Variants in MAF1 observed in about 807,000 individuals in gnomAD.
MAF1 encodes the protein MAF1 negative regulator of RNA polymerase III.
Under a neutral mutation model 31.9 loss-of-function variants are expected in MAF1, and 7 were observed. The ratio of observed to expected loss-of-function variants is 0.22; its 90% confidence interval spans 0.12 to 0.41. MAF1 has a LOEUF of 0.41. Ranked by LOEUF, MAF1 falls within the 10% of genes least tolerant of loss-of-function variation. The pLI is 1.00. For missense variants in MAF1, 221 were observed against 323.1 expected (o/e 0.68, Z 2.42); for synonymous variants, 157 against 120.0 (o/e 1.31, Z -2.02).
chr8:144,106,284 G>A, intron 4 of MAF1, 43 bp downstream of exon 4: 2 of 1,612,956 alleles, frequency 1.2e-6, no homozygotes, highest in Non-Finnish European at 1.7e-6. Flanking sequence ...CCACCCCACT[G>A]TCCTTCCCCA....
Position 144,107,103 on chromosome 8 carries a change from T to C in MAF1, c.765T>C (p.Cys255=), listed in dbSNP as rs1286481629. 29 of 1,570,758 alleles carry C rather than the reference T, an allele frequency of 1.8e-5. No individual in the cohort carries two copies. The highest frequency in any genetic ancestry group is 2.3e-5 in the Non-Finnish European group (27 of 1,158,080). ...TMEEDRVPVI[C]I ...CTCCGCCCAGGGTCCCAGTGATCTG[T>C]ATTTGATGAGGAGGAGCCGAGGCCC... The change falls in exon 8 of 8, where the codon TGT becomes TGC. Residue 255 remains cysteine, a synonymous_variant. Coordinates refer to ENST00000322428, the MANE Select transcript of MAF1 (RefSeq NM_032272.5).
In MAF1 at chr8:144,104,851, C is replaced by G. The variant is rs1270657943; in HGVS notation, c.-52C>G. 6.6e-6 allele frequency: 1 copy of G among 152,322 alleles called. No individual in the cohort carries two copies. The highest frequency in any genetic ancestry group is 1.5e-5 in the Non-Finnish European group (1 of 68,118). 9.4% of individuals were successfully genotyped at this position (152,322 alleles called of 1,614,324 possible). ...CCCGGCGCGGCCTGATCTAACCCAG[C>G]CAGGCAGGTGGGTGTCCGCCCTGCG... On this transcript the variant is annotated 5_prime_UTR_variant, in exon 1 of 8. Transcript: ENST00000322428.
In MAF1 at chr8:144,105,447, C is replaced by T. The variant is rs1564317416; in HGVS notation, c.-44-193C>T. On this transcript the variant is annotated intron_variant, in intron 1 of 7. Transcript: ENST00000322428. ...GGGTATGGCTGACCTGGAGCCTGGA[C>T]TTACCACCCTCAGGTAAAACAGGAT... is the stretch of plus-strand genomic sequence containing the variant. The T allele has an allele frequency of 1.4e-5, 8 of 571,052 alleles. No homozygotes were observed. In the Admixed American group the frequency reaches 1.5e-4, roughly 11 times the overall value. 35.4% of individuals were successfully genotyped at this position (571,052 alleles called of 1,614,324 possible).
Position 144,106,627 on chromosome 8 carries a change from C to T in MAF1, c.573C>T (p.Tyr191=). Residue 191 remains tyrosine (Y), a synonymous_variant, in exon 6 of 8, where the codon TAC becomes TAT. Coordinates refer to ENST00000322428, the MANE Select transcript of MAF1 (RefSeq NM_032272.5). ...GSLWSFNYFF[Y]NKRLKRIVFF... Reference sequence around the variant, plus strand: ...TCTGGTCCTTCAACTACTTCTTCTACAACAAGCGGCTCAAGCGAATCGTCT... The same window carrying T: ...TCTGGTCCTTCAACTACTTCTTCTATAACAAGCGGCTCAAGCGAATCGTCT... 1 of 1,613,882 alleles carries T rather than the reference C, an allele frequency of 6.2e-7. No homozygotes were observed. Among genetic ancestry groups the T allele is most frequent in the Non-Finnish European group, 8.5e-7 (1 of 1,180,004 alleles).
In MAF1 at chr8:144,107,435, C is replaced by T. The variant is rs1256295576; in HGVS notation, c.*326C>T. Reference sequence around the variant, plus strand: ...TTTGTATTTCTACTGGGCCTGCACACTCCAGCCCAAAGGGTCTGTGGCCGG... The same window carrying T: ...TTTGTATTTCTACTGGGCCTGCACATTCCAGCCCAAAGGGTCTGTGGCCGG... On this transcript the variant is annotated 3_prime_UTR_variant, in exon 8 of 8. Coordinates refer to ENST00000322428, the MANE Select transcript of MAF1 (RefSeq NM_032272.5). 3 of 582,668 alleles carry T rather than the reference C, an allele frequency of 5.1e-6. No homozygotes were observed. The highest frequency in any genetic ancestry group is 2.9e-5 in the East Asian group (1 of 34,722). 36.1% of individuals were successfully genotyped at this position (582,668 alleles called of 1,614,324 possible). A position where few individuals can be genotyped will look rare whatever the true frequency, so the allele number is the denominator to read the frequency against.
Position 144,106,008 on chromosome 8 carries a change from G to A in MAF1, c.212+11G>A. The A allele has an allele frequency of 6.2e-7, 1 of 1,613,454 alleles. No individual in the cohort carries two copies. The highest frequency in any genetic ancestry group is 8.5e-7 in the Non-Finnish European group (1 of 1,180,016). ...ACTGAGCCCCAGCAGGTGAGCCATGGTGGGGCCTACCTGGGGCTGGGGGTT... is the reference window on the plus strand; with the variant it reads ...ACTGAGCCCCAGCAGGTGAGCCATGATGGGGCCTACCTGGGGCTGGGGGTT... On this transcript the variant is annotated intron_variant, in intron 3 of 7. Transcript: ENST00000322428.
At position 144,104,735 on chromosome 8, in the gene MAF1, C is replaced by T. The variant is rs1010788840; in HGVS notation, c.-168C>T. On this transcript the variant is annotated 5_prime_UTR_variant, in exon 1 of 8. Transcript: ENST00000322428. Reference sequence around the variant, plus strand: ...GCCCGAGCGGAGGCCGCGGCGCCGCCCTCCGATCTTGAAGAGCCCGCGCTG... The same window carrying T: ...GCCCGAGCGGAGGCCGCGGCGCCGCTCTCCGATCTTGAAGAGCCCGCGCTG... The T allele has an allele frequency of 5.3e-5, 8 of 152,350 alleles. No individual in the cohort carries two copies. Among genetic ancestry groups the T allele is most frequent in the Non-Finnish European group, 1.0e-4 (7 of 68,066 alleles). 9.4% of individuals were successfully genotyped at this position (152,350 alleles called of 1,614,324 possible).
In MAF1 at chr8:144,107,445, A is replaced by G; in HGVS notation, c.*336A>G. ...TACTGGGCCTGCACACTCCAGCCCA[A>G]AGGGTCTGTGGCCGGAGGCCCCACG... On this transcript the variant is annotated 3_prime_UTR_variant, in exon 8 of 8. Transcript: ENST00000322428. 2 of 580,310 alleles carry G rather than the reference A, an allele frequency of 3.4e-6. No individual in the cohort carries two copies. Among genetic ancestry groups the G allele is most frequent in the Non-Finnish European group, 3.1e-6 (1 of 324,878 alleles). 35.9% of individuals were successfully genotyped at this position (580,310 alleles called of 1,614,324 possible).
Position 144,106,927 on chromosome 8 carries a change from G to A in MAF1, c.713G>A (p.Ser238Asn), listed in dbSNP as rs1208008412. Residue 238 changes from serine to asparagine, a missense_variant, in exon 7 of 8, where the codon AGT becomes AAT. Ser to Asn is a conservative substitution (Grantham distance 46). This residue lies in a region of MAF1 where 75 missense variants were observed against 60.1 expected (regional missense o/e 1.25). Coordinates refer to ENST00000322428, the MANE Select transcript of MAF1 (RefSeq NM_032272.5). The stretch of plus-strand genomic sequence containing the variant: ...GAGGAAGAAAGCAGAAGCGGGGGCA[G>A]TGGGGCCGAGGAGACCAGCACCATG... Reference protein sequence around the residue: ...EVEEESRSGGSGAEETSTMEE... With the variant: ...EVEEESRSGGNGAEETSTMEE... 1 of 1,515,048 alleles carries A rather than the reference G, an allele frequency of 6.6e-7. No individual in the cohort carries two copies. The allele number at this position is 1,515,048 out of a possible 1,614,324, so 93.9% of individuals were successfully genotyped here.
chr8:144,107,026 C>T (rs757816691), intron 7 of MAF1, 62 bp from the exon 8 acceptor site: 27 of 1,558,594 alleles, frequency 1.7e-5, no homozygotes, highest in Middle Eastern at 3.3e-4. Flanking sequence ...AGGGTGGGGG[C>T]CTCCTCTACT....
Position 144,106,684 on chromosome 8 carries a change from C to T in MAF1, c.620+10C>T. On this transcript the variant is annotated intron_variant, in intron 6 of 7. Coordinates refer to ENST00000322428, the MANE Select transcript of MAF1 (RefSeq NM_032272.5). ...GCTGCCGTTCCATCAGGTGGGCACC[C>T]CCCGCCTCCTCCCCCACCTCCCTGT... is the stretch of plus-strand genomic sequence containing the variant. The T allele has an allele frequency of 1.2e-6, 2 of 1,610,266 alleles. No individual in the cohort carries two copies. The highest frequency in any genetic ancestry group is 1.7e-6 in the Non-Finnish European group (2 of 1,177,530).
Position 144,106,948 on chromosome 8 carries a change from C to T in MAF1, c.734C>T (p.Thr245Ile). ...SGGSGAEETS[T>I]MEEDRVPVIC... The stretch of plus-strand genomic sequence containing the variant: ...GGCAGTGGGGCCGAGGAGACCAGCA[C>T]CATGGAGGAGGACAGGTGTGTGATG... Residue 245 changes from threonine (T) to isoleucine (I), a missense_variant, in exon 7 of 8, where the codon ACC (threonine) becomes ATC (isoleucine). This residue lies in a region of MAF1 where 75 missense variants were observed against 60.1 expected (regional missense o/e 1.25). Transcript: ENST00000322428. 1 of 1,524,472 alleles carries T rather than the reference C, an allele frequency of 6.6e-7. No individual in the cohort carries two copies. Among genetic ancestry groups the T allele is most frequent in the South Asian group, 1.3e-5 (1 of 79,326 alleles). The allele number at this position is 1,524,472 out of a possible 1,614,324, so 94.4% of individuals were successfully genotyped here.
rs369907286 is a variant in MAF1, at chr8:144,105,878, C to T, written c.93C>T (p.Ser31=). 1 of 1,612,970 alleles carries T rather than the reference C, an allele frequency of 6.2e-7. No individual in the cohort carries two copies. Among genetic ancestry groups the T allele is most frequent in the Non-Finnish European group, 8.5e-7 (1 of 1,180,002 alleles). The change falls in exon 3 of 8, where the codon AGC becomes AGT. Residue 31 remains serine, a synonymous_variant. Transcript: ENST00000322428. ...TCTCTGCATCCTATAGGATTGAGAG[C>T]TACTCATGTAAGATGGCAGGAGACG... is the stretch of plus-strand genomic sequence containing the variant. The part of the protein sequence containing the change: ...GDAHIIGRIE[S]YSCKMAGDDK...
Position 144,106,861 on chromosome 8 carries a change from C to T in MAF1, c.647C>T (p.Ala216Val), listed in dbSNP as rs1329211194. The T allele has an allele frequency of 1.3e-6, 2 of 1,531,252 alleles. No homozygotes were observed. Among genetic ancestry groups the T allele is most frequent in the Non-Finnish European group, 8.8e-7 (1 of 1,141,948 alleles). The allele number at this position is 1,531,252 out of a possible 1,614,324, so 94.9% of individuals were successfully genotyped here. A position where few individuals can be genotyped will look rare whatever the true frequency, so the allele number is the denominator to read the frequency against. The change falls in exon 7 of 8, where the codon GCA (alanine) becomes GTA (valine). Residue 216 changes from alanine to valine, a missense_variant. Physicochemically the swap from Ala to Val is moderately conservative, Grantham distance 64. This residue lies in a region of MAF1 where 75 missense variants were observed against 60.1 expected (regional missense o/e 1.25). Coordinates refer to ENST00000322428, the MANE Select transcript of MAF1 (RefSeq NM_032272.5). The part of the protein sequence containing the change: ...ISGSTYTPSE[A>V]GNELDMELGE... ...GGCTCCACCTACACACCCTCAGAGGCAGGCAACGAGCTGGACATGGAGCTG... is the reference window on the plus strand; with the variant it reads ...GGCTCCACCTACACACCCTCAGAGGTAGGCAACGAGCTGGACATGGAGCTG...
At chr8:144,106,519 G>A in intron 5 of MAF1, 36 bp from the exon 6 acceptor site, 3 of 1,613,898 alleles carry the variant, frequency 1.9e-6, no homozygotes, top group Non-Finnish European at 1.7e-6. Context: ...TGGGGCACTT[G>A]GCGCCTCACA....
intron 1 of MAF1, 198 bp from the exon 2 acceptor site, chr8:144,105,442 C>T (rs2130012660): frequency 7.1e-6 from 4 of 565,734 alleles, no homozygotes; most frequent in Non-Finnish European, 1.3e-5. Flanking sequence ...GACCTGGAGC[C>T]TGGACTTACC....
At chr8:144,106,023 G>A in intron 3 of MAF1, 26 bp downstream of exon 3, 1 of 1,613,512 alleles carries the variant, frequency 6.2e-7, no homozygotes, top group Non-Finnish European at 8.5e-7. Context: ...GCCTACCTGG[G>A]GCTGGGGGTT....
intron 6 of MAF1, 69 bp downstream of exon 6, chr8:144,106,743 C>G: frequency 6.3e-7 from 1 of 1,581,256 alleles, no homozygotes; most frequent in Non-Finnish European, 8.6e-7. Flanking sequence ...TGTGCCATCT[C>G]CACCCAGCTT....
chr8:144,106,926 A>C lies in MAF1; in HGVS notation c.712A>C (p.Ser238Arg), dbSNP rs373891300. The change falls in exon 7 of 8, where the codon AGT becomes CGT. Residue 238 changes from serine to arginine, a missense_variant. By Grantham distance (110) the Ser-to-Arg change is moderately radical. Coordinates refer to ENST00000322428, the MANE Select transcript of MAF1 (RefSeq NM_032272.5). ...EVEEESRSGGSGAEETSTMEE... is the reference protein window; with the variant it reads ...EVEEESRSGGRGAEETSTMEE... ...GGAGGAAGAAAGCAGAAGCGGGGGC[A>C]GTGGGGCCGAGGAGACCAGCACCAT... The C allele has an allele frequency of 4.0e-6, 6 of 1,514,414 alleles. No individual in the cohort carries two copies. The African/African-American group carries it at 5.6e-5, about 14-fold the overall frequency. The allele number at this position is 1,514,414 out of a possible 1,614,324, so 93.8% of individuals were successfully genotyped here.
Sources: allele counts gnomAD v4.1 joint callset, GRCh38; gene constraint gnomAD v4.1.1; regional missense constraint gnomAD v4.1.1; transcripts MANE v1.5; gene names NCBI Gene and HGNC (gene_info 2026-07-23, HGNC 2026-07-21).